ETV1: variants seen among roughly 807,000 people sequenced by gnomAD.
ETV1 encodes the protein ETS translocation variant 1.
Under a neutral mutation model 62.3 loss-of-function variants are expected in ETV1, and 27 were observed. The observed-to-expected ratio is 0.43, with a 90% CI of 0.32 to 0.60. The LOEUF is 0.60. ETV1 is among the 20% of genes least tolerant of loss of function. The probability of loss-of-function intolerance (pLI) is 0.06; values close to 1 mark genes in which losing one functional copy is unlikely to be tolerated. For missense variants in ETV1, 605 were observed against 605.8 expected (o/e 1.00, Z 0.01); for synonymous variants, 222 against 199.6 (o/e 1.11, Z -0.94).
In ETV1 at chr7:13,901,042, C is replaced by T. The variant is rs1378909875; in HGVS notation, c.1111-203G>A. 2.0e-5 allele frequency among the ~76,000 whole-genome samples: 3 copies of T among 148,250 alleles called. No homozygotes were observed. In the Admixed American group the frequency reaches 2.0e-4, roughly 10 times the overall value. ...TTTTTGAAACAGAGTCTTGCTCTGT[C>T]ACCCAGGCTGGGAGTGCAGTGGCGC... On this transcript the variant is annotated intron_variant, in intron 12 of 13. Transcript: ENST00000430479.
Position 13,906,590 on chromosome 7 carries a change from T to C in ETV1, c.950A>G (p.Lys317Arg). 6.2e-7 allele frequency: 1 copy of C among 1,604,896 alleles called. No homozygotes were observed. The highest frequency in any genetic ancestry group is 1.1e-5 in the South Asian group (1 of 89,016). ...VVPEKFDGDI[K>R]QEPGMYREGP... The stretch of plus-strand genomic sequence containing the variant: ...TTCCCGATACATTCCTGGCTCTTGT[T>C]TGATGTCTCCTAAATTAAAACATTT... Residue 317 changes from lysine (K) to arginine (R), a missense_variant, in exon 12 of 14, where the codon AAA becomes AGA. By Grantham distance (26) the Lys-to-Arg change is conservative. Transcript: ENST00000430479.
intron 9 of ETV1, among the ~76,000 whole-genome samples, chr7:13,916,152 A>G (rs185242076): frequency 4.9e-4 from 74 of 152,378 alleles, no homozygotes; most frequent in Admixed American, 2.2e-3. Context: ...ACTCACACTT[A>G]GATGGGATCT....
intron 8 of ETV1, among the ~76,000 whole-genome samples, chr7:13,935,060 T>C (rs1288714729): frequency 6.6e-6 from 1 of 152,198 alleles, no homozygotes; most frequent in African/African-American, 2.4e-5. Context: ...AAATATGAAT[T>C]TCTTAATCTC....
chr7:13,988,759 C>T (rs1782798713), intron 3 of ETV1: 3 of 1,612,444 alleles, frequency 1.9e-6, no homozygotes, highest in South Asian at 1.1e-5. Context: ...ATCTCCTCTT[C>T]CACTCATGTT....
intron 6 of ETV1, among the ~76,000 whole-genome samples, chr7:13,948,692 G>A (rs529605810): frequency 3.9e-5 from 6 of 152,116 alleles, no homozygotes; most frequent in African/African-American, 7.2e-5. Flanking sequence ...CCCACAAAGC[G>A]TGAAATATTT....
intron 6 of ETV1, among the ~76,000 whole-genome samples, chr7:13,948,707 T>C (rs1426394689): frequency 6.6e-6 from 1 of 152,182 alleles, no homozygotes; most frequent in Non-Finnish European, 1.5e-5. Context: ...ATATTTACTA[T>C]CTGACTCTTT....
intron 5 of ETV1, among the ~76,000 whole-genome samples, chr7:13,981,380 C>A (rs1781968296): frequency 6.6e-6 from 1 of 152,036 alleles, no homozygotes; most frequent in Non-Finnish European, 1.5e-5. Flanking sequence ...CATGTCACAC[C>A]CTTCCAGGGA....
intron 6 of ETV1, among the ~76,000 whole-genome samples, chr7:13,948,655 G>A (rs1455554049): frequency 6.6e-6 from 1 of 152,110 alleles, no homozygotes; most frequent in East Asian, 1.9e-4. Context: ...ATGGCCAAAT[G>A]GAGTAGTTGT....
chr7:13,964,875 G>A (rs1443468737), intron 6 of ETV1, among the ~76,000 whole-genome samples: 3 of 152,050 alleles, frequency 2.0e-5, no homozygotes, highest in Admixed American at 2.0e-4. Flanking sequence ...AAATCATGAA[G>A]AGCCTGATAA....
intron 6 of ETV1, among the ~76,000 whole-genome samples, chr7:13,961,794 TG>T: frequency 6.6e-6 from 1 of 152,304 alleles, no homozygotes; most frequent in East Asian, 1.9e-4. Context: ...CAACACTTTT[TG>T]TTTTTGAATT....
At chr7:13,903,038 A>G (rs985556645) in intron 12 of ETV1, among the ~76,000 whole-genome samples, 3 of 152,200 alleles carry the variant, frequency 2.0e-5, no homozygotes, top group African/African-American at 7.2e-5. Flanking sequence ...ATTCCAGGCC[A>G]GGTAGGCCAA....
At chr7:13,902,363 T>G (rs189106680) in intron 12 of ETV1, among the ~76,000 whole-genome samples, 16 of 152,220 alleles carry the variant, frequency 1.1e-4, no homozygotes, top group Admixed American at 1.0e-3. Flanking sequence ...TTTAATGACA[T>G]GCATCAGTAT....
At chr7:13,946,862 C>G (rs1446192887) in intron 6 of ETV1, among the ~76,000 whole-genome samples, 2 of 152,154 alleles carry the variant, frequency 1.3e-5, no homozygotes, top group African/African-American at 4.8e-5. Flanking sequence ...AATCTCAGCT[C>G]ACCGCAACCC....
At chr7:13,939,296 A>C (rs1787201357) in intron 6 of ETV1, 50 bp from the exon 7 acceptor site, 2 of 1,488,062 alleles carry the variant, frequency 1.3e-6, no homozygotes, top group Non-Finnish European at 1.8e-6. Flanking sequence ...TGTAGGAATT[A>C]TGGAGATTAA....
At chr7:13,952,634 T>G (rs1223837064) in intron 6 of ETV1, among the ~76,000 whole-genome samples, 2 of 152,200 alleles carry the variant, frequency 1.3e-5, no homozygotes, top group African/African-American at 4.8e-5. Flanking sequence ...CTTTAAAATT[T>G]GACTACGGGG....
chr7:13,893,159 G>A lies in ETV1; in HGVS notation c.*2707C>T, dbSNP rs934456974. 5 of 232,488 alleles carry A rather than the reference G, an allele frequency of 2.2e-5. No homozygotes were observed. The allele number at this position is 232,488 out of a possible 1,614,324, so 14.4% of individuals were successfully genotyped here. A position where few individuals can be genotyped will look rare whatever the true frequency, so the allele number is the denominator to read the frequency against. On this transcript the variant is annotated 3_prime_UTR_variant, in exon 14 of 14. Transcript: ENST00000430479. ...TTGGGTATTAACATGTCATCATCAA[G>A]AGACAGCAAACAGCAGTGAAGATAA...
At chr7:13,917,704 C>A (rs1784339095) in intron 9 of ETV1, among the ~76,000 whole-genome samples, 1 of 151,886 alleles carries the variant, frequency 6.6e-6, no homozygotes, top group African/African-American at 2.4e-5. Flanking sequence ...GTGGCTCACG[C>A]CTGTAATCCC....
intron 3 of ETV1, chr7:13,988,410 A>C: frequency 1.7e-6 from 1 of 580,490 alleles, no homozygotes; most frequent in South Asian, 2.3e-5. Flanking sequence ...ATCTTAGCAC[A>C]TTACTATTTA....
chr7:13,989,858 T>G, upstream of ETV1: 2 of 353,206 alleles, frequency 5.7e-6, no homozygotes, highest in Non-Finnish European at 5.0e-6. Flanking sequence ...GCTCGGCCGG[T>G]AGGCGCTGGG....
Sources: gnomAD v4.1 joint callset for allele counts (sites outside exome capture counted in the v4.1 genomes callset) on GRCh38, gnomAD v4.1.1 for gene constraint, MANE v1.5 for transcripts, NCBI Gene and HGNC (gene_info 2026-07-23, HGNC 2026-07-21) for gene names.